The following RBFOX1 variants were observed in gnomAD, a reference collection of about 807,000 sequenced individuals.
RBFOX1 encodes RNA binding fox-1 homolog 1.
RBFOX1 carries 8 observed loss-of-function variants against 57.7 expected under a neutral mutation model. The observed-to-expected ratio is 0.14, with a 90% confidence interval of 0.08 to 0.25. The LOEUF (loss-of-function observed/expected upper bound fraction) is 0.25. Among genes scored for constraint, RBFOX1 ranks in the 10% least tolerant of loss-of-function variants. The pLI is 1.00. For synonymous variants in RBFOX1, 326 were observed against 222.4 expected, an observed-to-expected ratio of 1.47 and a Z score of -4.15; for missense variants, 611 against 548.5, an observed-to-expected ratio of 1.11 and a Z score of -1.14.
At chr16:7,672,367 A>G (rs1017315703) in intron 13 of RBFOX1, among the ~76,000 whole-genome samples, 2 of 152,186 alleles carry the variant, frequency 1.3e-5, no homozygotes, top group African/African-American at 4.8e-5. Flanking sequence ...TATCTCTGCA[A>G]TTCCCTTTTT....
chr16:6,307,899 G>T, intron 1 of RBFOX1, among the ~76,000 whole-genome samples: 2 of 122,942 alleles, frequency 1.6e-5, no homozygotes, highest in African/African-American at 3.3e-5. Context: ...ATATTTATTT[G>T]GATTATTTAC....
At chr16:7,289,050 T>G (rs1362358938) in intron 4 of RBFOX1, among the ~76,000 whole-genome samples, 2 of 152,144 alleles carry the variant, frequency 1.3e-5, no homozygotes, top group Non-Finnish European at 2.9e-5. Flanking sequence ...AAAAAGATCA[T>G]AAATTATTAA....
chr16:7,222,280 G>T (rs1169667397), intron 4 of RBFOX1, among the ~76,000 whole-genome samples: 1 of 152,182 alleles, frequency 6.6e-6, no homozygotes, highest in East Asian at 1.9e-4. Flanking sequence ...AGAAGCGTAA[G>T]ATATAATACT....
chr16:6,094,333 C>T (rs571144291), intron 1 of RBFOX1, among the ~76,000 whole-genome samples: 14 of 152,214 alleles, frequency 9.2e-5, no homozygotes, highest in African/African-American at 3.1e-4. Context: ...TCAACTATTC[C>T]ATTTCTTTTG....
chr16:5,430,643 A>G (rs1386289718), intron 1 of RBFOX1, among the ~76,000 whole-genome samples: 3 of 152,244 alleles, frequency 2.0e-5, no homozygotes, highest in Non-Finnish European at 4.4e-5. Flanking sequence ...CTCAGTGATC[A>G]GAGCTCAGGG....
rs753657265 is a variant in RBFOX1 at position 6,970,179 on chromosome 16, A to G, written c.-15-81878A>G. 4.0e-5 allele frequency among the ~76,000 whole-genome samples: 6 copies of G among 151,130 alleles called. No homozygotes were observed. The East Asian group carries it at 5.9e-4, about 15-fold the overall frequency. On this transcript the variant is annotated intron_variant, in intron 3 of 15. Transcript: ENST00000550418. Reference sequence around the variant, plus strand: ...GGCAACAGAACAAGACTCTGGGGGGAAAAAAATAAAAAAGAAAGAAACAAA... The same window carrying G: ...GGCAACAGAACAAGACTCTGGGGGGGAAAAAATAAAAAAGAAAGAAACAAA...
chr16:5,418,309 C>T lies in RBFOX1; in HGVS notation c.220-48907C>T, dbSNP rs8047846. The stretch of plus-strand genomic sequence containing the variant: ...CTGGGGATAGAGTAGGCAGCCTGAG[C>T]CCTGGCCCTTGGGGGCATCTCGGTG... On this transcript the variant is annotated intron_variant, in intron 1 of 2. Transcript: ENST00000585867. 9.2e-3 allele frequency among the ~76,000 whole-genome samples: 1,392 copies of T among 151,240 alleles called. 21 individuals are homozygous for T. Among genetic ancestry groups the T allele is most frequent in the African/African-American group, 0.032 (1,335 of 41,204 alleles).
rs1567922731 is a variant in RBFOX1 at position 6,317,069 on chromosome 16, C to A, written c.-64+12C>A. The A allele has an allele frequency of 1.3e-6, 2 of 1,528,456 alleles. No homozygotes were observed. The highest frequency in any genetic ancestry group is 3.9e-5 in the Admixed American group (2 of 50,934). 94.7% of individuals were successfully genotyped at this position (1,528,456 alleles called of 1,614,324 possible). A position where few individuals can be genotyped will look rare whatever the true frequency, so the allele number is the denominator to read the frequency against. ...GGACTCAGCATTCAGTAAGTGCAAC[C>A]CATTTTGAACATTCATTCCATAAAT... On this transcript the variant is annotated intron_variant, in intron 2 of 15. Coordinates refer to ENST00000550418, the MANE Select transcript of RBFOX1 (RefSeq NM_018723.4).
chr16:6,603,963 T>C (rs2097890510), intron 2 of RBFOX1, among the ~76,000 whole-genome samples: 1 of 152,164 alleles, frequency 6.6e-6, no homozygotes. Context: ...TTCTTCCCTC[T>C]GATCTCCTTT....
At chr16:5,600,324 A>G (rs1177622785), downstream of RBFOX1, among the ~76,000 whole-genome samples, 1 of 151,426 alleles carries the variant, frequency 6.6e-6, no homozygotes, top group Non-Finnish European at 1.5e-5. Flanking sequence ...AATAAAAAAA[A>G]AACAAAACCA....
intron 3 of RBFOX1, among the ~76,000 whole-genome samples, chr16:6,815,840 CACA>C (rs1429207191): frequency 6.6e-6 from 1 of 152,160 alleles, no homozygotes. Context: ...GCTTAATTCT[CACA>C]ACATTTGTCA....
rs1002209166 is a variant in RBFOX1 at position 7,212,936 on chromosome 16, C to G, written c.27+160838C>G. ...CATGTAACCTAGTATCTAGCTCTTACCGTGCCACTCATATTTTGAGAATAA... is the reference window on the plus strand; with the variant it reads ...CATGTAACCTAGTATCTAGCTCTTAGCGTGCCACTCATATTTTGAGAATAA... On this transcript the variant is annotated intron_variant, in intron 4 of 15. Transcript: ENST00000550418. Among the ~76,000 whole-genome samples the G allele has an allele frequency of 2.0e-4, 31 of 152,196 alleles. 1 individual carries two copies. The highest frequency in any genetic ancestry group is 2.0e-3 in the Admixed American group (31 of 15,278).
chr16:6,303,673 C>T (rs1481665190), intron 1 of RBFOX1, among the ~76,000 whole-genome samples: 1 of 151,854 alleles, frequency 6.6e-6, no homozygotes, highest in South Asian at 2.1e-4. Flanking sequence ...GAAATAGATT[C>T]AAAGGAAAAG....
chr16:5,929,910 G>C (rs1161105670), intron 4 of RBFOX1, among the ~76,000 whole-genome samples: 1 of 151,002 alleles, frequency 6.6e-6, no homozygotes, highest in Non-Finnish European at 1.5e-5. Context: ...AGGGTGGGGA[G>C]GGTGGGAAAT....
chr16:5,659,491 G>C (rs1241832851), intron 3 of RBFOX1, among the ~76,000 whole-genome samples: 1 of 151,996 alleles, frequency 6.6e-6, no homozygotes, highest in Non-Finnish European at 1.5e-5. Context: ...TGTTAGTAGA[G>C]ACGGGGTTTT....
intron 2 of RBFOX1, among the ~76,000 whole-genome samples, chr16:6,478,718 A>T (rs2095324004): frequency 6.6e-6 from 1 of 151,988 alleles, no homozygotes; most frequent in Non-Finnish European, 1.5e-5. Context: ...AGGAATGGGA[A>T]GGCCAAGGAG....
chr16:5,282,796 G>T (rs1265366363), intron 1 of RBFOX1, among the ~76,000 whole-genome samples: 2 of 152,206 alleles, frequency 1.3e-5, no homozygotes, highest in African/African-American at 2.4e-5. Flanking sequence ...TTTGCAGCCT[G>T]ACGATGCAAT....
At chr16:6,695,331 G>T (rs144066257) in intron 3 of RBFOX1, among the ~76,000 whole-genome samples, 8 of 142,850 alleles carry the variant, frequency 5.6e-5, no homozygotes, top group African/African-American at 1.8e-4. Context: ...CAGGAGAATC[G>T]CTTGAACCCA....
At chr16:7,385,799 G>A (rs2097864725) in intron 4 of RBFOX1, among the ~76,000 whole-genome samples, 1 of 152,058 alleles carries the variant, frequency 6.6e-6, no homozygotes, top group Admixed American at 6.6e-5. Flanking sequence ...TGTCACCCAG[G>A]CTGGAGTGCA....
Sources: allele counts gnomAD v4.1 joint callset (sites outside exome capture counted in the v4.1 genomes callset), GRCh38; gene constraint gnomAD v4.1.1; transcripts MANE v1.5; gene names NCBI Gene and HGNC (gene_info 2026-07-23, HGNC 2026-07-21).